MPRIP: variants seen among roughly 807,000 people sequenced by gnomAD.
MPRIP encodes the protein myosin phosphatase Rho-interacting protein.
In MPRIP, 59 loss-of-function variants were observed where a neutral mutation model predicts 234.9. That is an observed-to-expected ratio of 0.25 (90% CI 0.20 to 0.31). The LOEUF is 0.31. Among genes scored for constraint, MPRIP ranks in the 10% least tolerant of loss-of-function variants. MPRIP has a pLI of 1.00. For synonymous variants in MPRIP, 1,144 were observed against 1,263.9 expected (o/e 0.91, Z 2.01); for missense variants, 2,436 against 3,071.0 (o/e 0.79, Z 4.89).
At chr17:17,143,521 G>A in intron 8 of MPRIP, 35 bp from the exon 9 acceptor site, 1 of 1,463,242 alleles carries the variant, frequency 6.8e-7, no homozygotes. Flanking sequence ...ACATTGCCCT[G>A]GGCTGCACTG....
chr17:17,157,467 TC>T (rs1450593097), intron 13 of MPRIP, among the ~76,000 whole-genome samples: 1 of 152,226 alleles, frequency 6.6e-6, no homozygotes, highest in Non-Finnish European at 1.5e-5. Context: ...GCCTCCTGTT[TC>T]CCTCACCCTT....
At chr17:17,044,182 C>T (rs2088272997) in intron 1 of MPRIP, among the ~76,000 whole-genome samples, 1 of 152,188 alleles carries the variant, frequency 6.6e-6, no homozygotes, top group Non-Finnish European at 1.5e-5. Context: ...CTTAACGAAA[C>T]ACTCAAGGCT....
At position 17,175,273 on chromosome 17, in the gene MPRIP, G is replaced by T; in HGVS notation, c.6751-20G>T. The T allele has an allele frequency of 6.2e-7, 1 of 1,612,912 alleles. No homozygotes were observed. Among genetic ancestry groups the T allele is most frequent in the Non-Finnish European group, 8.5e-7 (1 of 1,179,928 alleles). ...CCCCAGGCAGCTCTGGAGTGTCACT[G>T]TTGTGTTGCTGTCCCCCAGGAGCTG... On this transcript the variant is annotated intron_variant, in intron 19 of 23. Coordinates refer to ENST00000651222, the MANE Select transcript of MPRIP (RefSeq NM_001364716.4).
intron 5 of MPRIP, among the ~76,000 whole-genome samples, chr17:17,135,817 ACT>A (rs2090684009): frequency 6.6e-6 from 1 of 151,596 alleles, no homozygotes. Context: ...GCATCTGACG[ACT>A]CTTTCCTTCA....
At chr17:17,131,806 C>T in intron 5 of MPRIP, 105 bp downstream of exon 5, 2 of 998,314 alleles carry the variant, frequency 2.0e-6, no homozygotes, top group Non-Finnish European at 1.6e-6. Context: ...CAGGCCAGGG[C>T]TGAGGCAGTC....
chr17:17,170,644 A>G (rs2046112667), intron 16 of MPRIP, among the ~76,000 whole-genome samples: 1 of 152,254 alleles, frequency 6.6e-6, no homozygotes, highest in Non-Finnish European at 1.5e-5. Flanking sequence ...CTATCAGCCC[A>G]GAGTGGGGAA....
At chr17:17,160,614 A>G (rs113160481) in intron 14 of MPRIP, among the ~76,000 whole-genome samples, 2,010 of 152,378 alleles carry the variant, frequency 0.013, 31 homozygotes, top group Non-Finnish European at 0.018. Flanking sequence ...TAGCTTACTC[A>G]TGGGTATCCA....
rs1344234525 is a variant in MPRIP at position 17,161,261 on chromosome 17, G to A, written c.2422G>A (p.Ala808Thr). Residue 808 changes from alanine to threonine, a missense_variant, in exon 15 of 24, where the codon GCC (alanine) becomes ACC (threonine). Around this residue, in one of 4 missense-constraint regions of MPRIP, gnomAD observed 1,998 missense variants for 2,520.3 expected, o/e 0.79. Transcript: ENST00000651222. ...EKELEQSQKE[A>T]SDLLEQNRLL... Reference sequence around the variant, plus strand: ...ACAGCTGGAGCAGAGCCAGAAGGAGGCCTCAGACCTTCTGGAGCAGAACCG... The same window carrying A: ...ACAGCTGGAGCAGAGCCAGAAGGAGACCTCAGACCTTCTGGAGCAGAACCG... 6.2e-7 allele frequency: 1 copy of A among 1,602,338 alleles called. No homozygotes were observed. Among genetic ancestry groups the A allele is most frequent in the African/African-American group, 1.3e-5 (1 of 74,886 alleles).
chr17:17,115,553 T>G (rs2090268114), intron 3 of MPRIP, among the ~76,000 whole-genome samples: 1 of 152,216 alleles, frequency 6.6e-6, no homozygotes, highest in African/African-American at 2.4e-5. Flanking sequence ...TGTTTTGTTT[T>G]GTTTGAAGTG....
At position 17,167,538 on chromosome 17, in the gene MPRIP, G is replaced by A; in HGVS notation, c.5947G>A (p.Asp1983Asn). 7.7e-7 allele frequency: 1 copy of A among 1,304,282 alleles called. No homozygotes were observed. Among genetic ancestry groups the A allele is most frequent in the South Asian group, 1.2e-5 (1 of 81,032 alleles). 80.8% of individuals were successfully genotyped at this position (1,304,282 alleles called of 1,614,324 possible). A position where few individuals can be genotyped will look rare whatever the true frequency, so the allele number is the denominator to read the frequency against. The change falls in exon 16 of 24, where the codon GAC becomes AAC. Residue 1983 changes from aspartate (D) to asparagine (N), a missense_variant. Coordinates refer to ENST00000651222, the MANE Select transcript of MPRIP (RefSeq NM_001364716.4). This position sits in a 1 kb window ranked among gnomAD's most constrained non-coding sequence, Gnocchi z 5.9. ...VLSQLDASVR[D>N]RQDMERHHGE... ...GAGCCAGCTGGATGCCTCGGTCAGA[G>A]ACAGGCAGGACATGGAGAGGCATCA...
At position 17,192,375 on chromosome 17, in the gene MPRIP, G is replaced by C. The variant is rs1270875604; in HGVS notation, c.*7481G>C. The C allele has an allele frequency of 7.4e-6, 1 of 134,384 alleles. No individual in the cohort carries two copies. Among genetic ancestry groups the C allele is most frequent in the African/African-American group, 2.8e-5 (1 of 35,986 alleles). 8.3% of individuals were successfully genotyped at this position (134,384 alleles called of 1,614,324 possible). ...CCCGGGGTAGGGTGGGCCATCCACT[G>C]TCAGGCCAGTGTCTCAAGAAAGCCT... On this transcript the variant is annotated 3_prime_UTR_variant, in exon 24 of 24. Coordinates refer to ENST00000651222, the MANE Select transcript of MPRIP (RefSeq NM_001364716.4).
At chr17:17,067,949 TTTAAA>T (rs1189979426) in intron 1 of MPRIP, among the ~76,000 whole-genome samples, 1 of 152,022 alleles carries the variant, frequency 6.6e-6, no homozygotes, top group Non-Finnish European at 1.5e-5. Context: ...TATATAATCA[TTTAAA>T]TTATGTGTTT....
Position 17,166,254 on chromosome 17 carries a change from G to A in MPRIP, c.4663G>A (p.Glu1555Lys). The change falls in exon 16 of 24, where the codon GAG becomes AAG. Residue 1555 changes from glutamate to lysine, a missense_variant. Physicochemically the swap from Glu to Lys is moderately conservative, Grantham distance 56. Coordinates refer to ENST00000651222, the MANE Select transcript of MPRIP (RefSeq NM_001364716.4). This position sits in a 1 kb window ranked among gnomAD's most constrained non-coding sequence, Gnocchi z 4.4. ...PASLQQCSQS[E>K]LTEQEQVRLL... ...CTCCCTGCAGCAGTGCTCCCAGTCT[G>A]AGTTGACAGAGCAGGAGCAGGTGAG... The A allele has an allele frequency of 1.5e-6, 2 of 1,304,240 alleles. No homozygotes were observed. The highest frequency in any genetic ancestry group is 2.0e-6 in the Non-Finnish European group (2 of 988,952). The allele number at this position is 1,304,240 out of a possible 1,614,324, so 80.8% of individuals were successfully genotyped here.
At chr17:17,067,837 C>G (rs1227739934) in intron 1 of MPRIP, among the ~76,000 whole-genome samples, 1 of 111,684 alleles carries the variant, frequency 9.0e-6, no homozygotes, top group Admixed American at 1.3e-4. Context: ...GAATTAGTGT[C>G]AGTTCCTTAA....
intron 4 of MPRIP, among the ~76,000 whole-genome samples, chr17:17,127,507 C>G (rs551975309): frequency 6.6e-6 from 1 of 152,224 alleles, no homozygotes; most frequent in South Asian, 2.1e-4. Context: ...ATCTGCCTTC[C>G]CAGAGCTCCC....
In MPRIP at chr17:17,126,656, G is replaced by A. The variant is rs745930404; in HGVS notation, c.268-46G>A. On this transcript the variant is annotated intron_variant, in intron 3 of 23. Coordinates refer to ENST00000651222, the MANE Select transcript of MPRIP (RefSeq NM_001364716.4). ...GGCCTGGGGCTGTACGACATCTGTG[G>A]CCCCATTGGCTGGCCTCTGGGTGAC... 15 of 1,577,038 alleles carry A rather than the reference G, an allele frequency of 9.5e-6. No individual in the cohort carries two copies. In the East Asian group the frequency reaches 2.0e-4, roughly 21 times the overall value.
At chr17:17,068,529 C>CTT (rs111424564) in intron 1 of MPRIP, among the ~76,000 whole-genome samples, 3 of 144,606 alleles carry the variant, frequency 2.1e-5, no homozygotes, top group African/African-American at 5.1e-5. Context: ...CTACCTTTAT[C>CTT]TTTTTTTTTT....
chr17:17,049,671 A>G (rs1206004049), intron 1 of MPRIP, among the ~76,000 whole-genome samples: 1 of 152,150 alleles, frequency 6.6e-6, no homozygotes, highest in Non-Finnish European at 1.5e-5. Flanking sequence ...AATCTTGTAT[A>G]TTTTAGGTTT....
chr17:17,130,654 C>T (rs973417954), intron 4 of MPRIP, among the ~76,000 whole-genome samples: 20 of 152,046 alleles, frequency 1.3e-4, no homozygotes, highest in Non-Finnish European at 2.4e-4. Flanking sequence ...AGACCTGGAG[C>T]GGTGTCTTCT....
Sources: gnomAD v4.1 joint callset for allele counts (sites outside exome capture counted in the v4.1 genomes callset) on GRCh38, gnomAD v4.1.1 for gene constraint, gnomAD v4.1.1 regional missense constraint, Gnocchi (gnomAD v3.1) non-coding constraint, MANE v1.5 for transcripts, NCBI Gene and HGNC (gene_info 2026-07-23, HGNC 2026-07-21) for gene names.